DGLUCY: variants seen among roughly 807,000 people sequenced by gnomAD.
The protein encoded by DGLUCY is D-glutamate cyclase, mitochondrial.
A neutral mutation model predicts 58.5 loss-of-function variants in DGLUCY; 58 were observed. That is an observed-to-expected ratio of 0.99 (90% CI 0.80 to 1.23). DGLUCY has a LOEUF of 1.23. Ranked by LOEUF, DGLUCY falls within the 50% of genes most tolerant of loss-of-function variation. DGLUCY has a pLI of 0.00. For synonymous variants in DGLUCY, 325 were observed against 314.1 expected (o/e 1.03, Z -0.37); for missense variants, 779 against 784.7 (o/e 0.99, Z 0.09).
In DGLUCY at chr14:91,130,832, C is replaced by T. The variant is rs139281264; in HGVS notation, c.-82+16549C>T. 5.1e-3 allele frequency among the ~76,000 whole-genome samples: 774 copies of T among 152,202 alleles called. 4 individuals are homozygous for T. Among genetic ancestry groups the T allele is most frequent in the Non-Finnish European group, 9.1e-3 (617 of 68,008 alleles). On this transcript the variant is annotated intron_variant, in intron 1 of 13. Transcript: ENST00000256324. Reference sequence around the variant, plus strand: ...TTATAAACCAACTGTTTTTTCTGTACTGTAAATGCCTGTTTATATCTTTCT... The same window carrying T: ...TTATAAACCAACTGTTTTTTCTGTATTGTAAATGCCTGTTTATATCTTTCT...
At chr14:91,176,503 CG>C (rs1566985119) in intron 7 of DGLUCY, among the ~76,000 whole-genome samples, 1 of 152,152 alleles carries the variant, frequency 6.6e-6, no homozygotes, top group African/African-American at 2.4e-5. Context: ...GGATTACAGG[CG>C]TGAGTCATCG....
intron 1 of DGLUCY, among the ~76,000 whole-genome samples, chr14:91,096,511 G>A (rs996844219): frequency 3.3e-5 from 5 of 152,130 alleles, no homozygotes; most frequent in Non-Finnish European, 5.9e-5. Flanking sequence ...TCCTCCTGGG[G>A]CCAAGTCAGT....
At chr14:91,110,426 CTTTCTTTT>C (rs1437646553), upstream of DGLUCY, among the ~76,000 whole-genome samples, 1 of 120,504 alleles carries the variant, frequency 8.3e-6, no homozygotes, top group African/African-American at 3.2e-5. Flanking sequence ...TTCTTTCTTT[CTTTCTTTT>C]TTTTTTTTTT....
chr14:91,214,275 C>T (rs1439593595), intron 12 of DGLUCY, among the ~76,000 whole-genome samples: 2 of 152,148 alleles, frequency 1.3e-5, no homozygotes, highest in African/African-American at 2.4e-5. Flanking sequence ...ACCTCTCTTT[C>T]GTGGTGCTCT....
intron 1 of DGLUCY, among the ~76,000 whole-genome samples, chr14:91,068,083 A>ACACG (rs1224427397): frequency 5.7e-5 from 7 of 122,408 alleles, no homozygotes; most frequent in Non-Finnish European, 1.0e-4. Context: ...GCGCACGCAC[A>ACACG]CACACACACA....
chr14:91,112,646 GA>G (rs1333470055), upstream of DGLUCY, among the ~76,000 whole-genome samples: 3 of 148,636 alleles, frequency 2.0e-5, no homozygotes, highest in East Asian at 2.0e-4. Flanking sequence ...TCCAAAAAAA[GA>G]AAAAAAAGGA....
upstream of DGLUCY, among the ~76,000 whole-genome samples, chr14:91,103,219 A>C (rs768211060): frequency 6.6e-6 from 1 of 152,140 alleles, no homozygotes; most frequent in African/African-American, 2.4e-5. Flanking sequence ...CACGCACTCC[A>C]TGCTGCTCCC....
At chr14:91,223,778 C>T in intron 13 of DGLUCY, 1 of 1,137,266 alleles carries the variant, frequency 8.8e-7, no homozygotes, top group Non-Finnish European at 1.2e-6. Context: ...GCCAAGGACC[C>T]TGCTAAGTGC....
intron 9 of DGLUCY, among the ~76,000 whole-genome samples, chr14:91,195,383 C>G (rs892725387): frequency 6.6e-6 from 1 of 152,092 alleles, no homozygotes; most frequent in Admixed American, 6.6e-5. Context: ...TTCTTTTTGT[C>G]ATTAGAAAAG....
intron 8 of DGLUCY, among the ~76,000 whole-genome samples, chr14:91,187,036 G>T (rs1179719786): frequency 2.0e-5 from 3 of 151,284 alleles, no homozygotes; most frequent in African/African-American, 7.3e-5. Flanking sequence ...GTCTTGCTCT[G>T]TCACCCAGGT....
chr14:91,178,203 G>A (rs2048973451), intron 7 of DGLUCY, among the ~76,000 whole-genome samples: 1 of 150,616 alleles, frequency 6.6e-6, no homozygotes, highest in East Asian at 1.9e-4. Flanking sequence ...GTCTCGCTCT[G>A]TCACCCAGGC....
chr14:91,182,945 A>G (rs1277090061), intron 8 of DGLUCY, among the ~76,000 whole-genome samples: 2 of 144,908 alleles, frequency 1.4e-5, no homozygotes, highest in African/African-American at 2.6e-5. Flanking sequence ...TTTATTTTAT[A>G]TTTTTATTTA....
intron 1 of DGLUCY, among the ~76,000 whole-genome samples, chr14:91,099,919 T>G (rs772019117): frequency 1.3e-5 from 2 of 152,070 alleles, no homozygotes; most frequent in East Asian, 3.9e-4. Flanking sequence ...CCGGGCATGG[T>G]GGCACATGCC....
chr14:91,125,196 C>T lies in DGLUCY; in HGVS notation c.-82+10913C>T, dbSNP rs542971400. Among the ~76,000 whole-genome samples, 25 of 152,204 alleles carry T rather than the reference C, an allele frequency of 1.6e-4. No individual in the cohort carries two copies. In the South Asian group the frequency reaches 4.1e-3, roughly 25 times the overall value. ...TATACTCATGGGGCACAACTACTGG[C>T]GAGTGTACCCTTTCTGCAGAAAGTG... On this transcript the variant is annotated intron_variant, in intron 1 of 13. Transcript: ENST00000256324.
intron 1 of DGLUCY, among the ~76,000 whole-genome samples, chr14:91,118,916 G>A (rs554757771): frequency 4.3e-4 from 65 of 152,146 alleles, no homozygotes; most frequent in Middle Eastern, 6.8e-3. Flanking sequence ...TTGGGAGTTC[G>A]AAACCAGCCT....
At chr14:91,088,818 C>A (rs1346729077) in intron 1 of DGLUCY, among the ~76,000 whole-genome samples, 1 of 152,214 alleles carries the variant, frequency 6.6e-6, no homozygotes, top group Non-Finnish European at 1.5e-5. Flanking sequence ...AACCTGAAGC[C>A]ACATGTATTC....
upstream of DGLUCY, among the ~76,000 whole-genome samples, chr14:91,110,217 C>T (rs368287906): frequency 2.0e-5 from 3 of 152,102 alleles, no homozygotes; most frequent in Non-Finnish European, 4.4e-5. Context: ...TGGATCTCAC[C>T]CACTGAAGAA....
At chr14:91,145,072 C>T (rs1202713525) in intron 1 of DGLUCY, 3 of 152,168 alleles carry the variant, frequency 2.0e-5, no homozygotes, top group East Asian at 1.9e-4. Context: ...GGAGTATTTA[C>T]TCAGCCTTAA....
chr14:91,073,928 C>A (rs1194739237), intron 1 of DGLUCY, among the ~76,000 whole-genome samples: 1 of 151,318 alleles, frequency 6.6e-6, no homozygotes, highest in Non-Finnish European at 1.5e-5. Context: ...TAAGACCAGC[C>A]CGGGCAATAT....
Sources: allele counts gnomAD v4.1 joint callset (sites outside exome capture counted in the v4.1 genomes callset), GRCh38; gene constraint gnomAD v4.1.1; transcripts MANE v1.5; gene names NCBI Gene and HGNC (gene_info 2026-07-23, HGNC 2026-07-21).